Variants in PARP15 observed in about 807,000 individuals in gnomAD.
PARP15 encodes protein mono-ADP-ribosyltransferase PARP15.
In PARP15, 50 loss-of-function variants were observed where a neutral mutation model predicts 62.1. The observed-to-expected ratio is 0.81, with a 90% CI of 0.64 to 1.02. The LOEUF (loss-of-function observed/expected upper bound fraction) is 1.02, where lower values mean the gene tolerates loss of function less well. Among genes scored for constraint, PARP15 ranks in the 50% least tolerant of loss-of-function variants. The pLI, the probability that PARP15 is intolerant of heterozygous loss-of-function variation, is 0.00. For synonymous variants in PARP15, 309 were observed against 293.1 expected (o/e 1.05, Z -0.55); for missense variants, 820 against 826.5 (o/e 0.99, Z 0.10).
intron 8 of PARP15, among the ~76,000 whole-genome samples, chr3:122,625,373 CT>C (rs1399443848): frequency 6.6e-6 from 1 of 152,170 alleles, no homozygotes; most frequent in South Asian, 2.1e-4. Context: ...CCTACCTTAG[CT>C]TCCCGAGTAG....
intron 1 of PARP15, among the ~76,000 whole-genome samples, chr3:122,581,753 T>G (rs2332239): frequency 1.3e-5 from 2 of 152,010 alleles, no homozygotes; most frequent in African/African-American, 4.8e-5. Context: ...CGTAGTCCAT[T>G]TGTTTATTCT....
intron 8 of PARP15, 131 bp from the exon 9 acceptor site, chr3:122,626,696 C>A: frequency 2.7e-6 from 2 of 730,272 alleles, no homozygotes; most frequent in Non-Finnish European, 4.5e-6. Context: ...CACCAACTAG[C>A]TGTGAGTGTC....
intron 1 of PARP15, among the ~76,000 whole-genome samples, chr3:122,584,948 G>A (rs1417864986): frequency 6.6e-6 from 1 of 151,990 alleles, no homozygotes; most frequent in Non-Finnish European, 1.5e-5. Flanking sequence ...CAGTATTTTT[G>A]GAAATAATCA....
chr3:122,586,393 A>G (rs997803193), intron 1 of PARP15, among the ~76,000 whole-genome samples: 1 of 151,964 alleles, frequency 6.6e-6, no homozygotes, highest in Non-Finnish European at 1.5e-5. Context: ...AAGCTTTTTT[A>G]TAGATGAAGA....
rs1576559601 is a variant in PARP15, at chr3:122,638,407, G to C, written c.*2307G>C. On this transcript the variant is annotated 3_prime_UTR_variant, in exon 12 of 12. Transcript: ENST00000464300. ...TCCACAATGGTTGAACTAGTTTACA[G>C]TCCCACCAACAGTGTAAAAGTGTTC... 6.6e-6 allele frequency: 1 copy of C among 152,140 alleles called. No individual in the cohort carries two copies. The highest frequency in any genetic ancestry group is 6.5e-5 in the Admixed American group (1 of 15,270). The allele number at this position is 152,140 out of a possible 1,614,324, so 9.4% of individuals were successfully genotyped here.
chr3:122,625,966 A>T (rs1428522555), intron 8 of PARP15, among the ~76,000 whole-genome samples: 2 of 152,182 alleles, frequency 1.3e-5, no homozygotes, highest in African/African-American at 4.8e-5. Flanking sequence ...ATCACCAGGA[A>T]CACACACTAC....
At chr3:122,612,055 CTTTT>C (rs374908910) in intron 3 of PARP15, among the ~76,000 whole-genome samples, 1 of 147,430 alleles carries the variant, frequency 6.8e-6, no homozygotes, top group Non-Finnish European at 1.5e-5. Flanking sequence ...TCTCTCTCTT[CTTTT>C]TTTTTCTTTT....
rs1178912331 is a variant in PARP15, at chr3:122,632,263, TA to T, written c.1572+46del. 2.5e-6 allele frequency: 4 copies of T among 1,569,894 alleles called. No individual in the cohort carries two copies. In the South Asian group the frequency reaches 4.5e-5, roughly 18 times the overall value. Reference sequence around the variant, plus strand: ...TTACTGTTCAAAAATGTTGATGAACTAACATAAAAGCTATCTCTTTTTAAAT... The same window carrying T: ...TTACTGTTCAAAAATGTTGATGAACTACATAAAAGCTATCTCTTTTTAAAT... On this transcript the variant is annotated intron_variant, in intron 10 of 11. Transcript: ENST00000464300.
rs1346831321 is a variant in PARP15 at position 122,610,602 on chromosome 3, G to A, written c.415G>A (p.Asp139Asn). The change falls in exon 3 of 12, where the codon GAC becomes AAC. Residue 139 changes from aspartate to asparagine, a missense_variant. By Grantham distance (23) the Asp-to-Asn change is conservative (BLOSUM62 1). Around this residue, in one of 3 missense-constraint regions of PARP15, gnomAD observed 731 missense variants for 727.7 expected, o/e 1.00. Transcript: ENST00000464300. ...AGPMLQKELDDRRRETEEKVG... is the reference protein window; with the variant it reads ...AGPMLQKELDNRRRETEEKVG... ...TCCCATGCTCCAGAAAGAGTTAGATGACAGAAGGCGGGAAACAGAGGAAAA... is the reference window on the plus strand; with the variant it reads ...TCCCATGCTCCAGAAAGAGTTAGATAACAGAAGGCGGGAAACAGAGGAAAA... 1 of 1,551,756 alleles carries A rather than the reference G, an allele frequency of 6.4e-7. No homozygotes were observed. Among genetic ancestry groups the A allele is most frequent in the Non-Finnish European group, 8.7e-7 (1 of 1,146,994 alleles).
chr3:122,609,322 A>G (rs1382501262), intron 2 of PARP15, among the ~76,000 whole-genome samples: 7 of 152,196 alleles, frequency 4.6e-5, no homozygotes, highest in African/African-American at 1.7e-4. Context: ...TATTAGGTTG[A>G]GAAATATAAC....
chr3:122,635,561 A>C (rs115532761), intron 11 of PARP15, among the ~76,000 whole-genome samples: 2,029 of 152,068 alleles, frequency 0.013, 50 homozygotes, highest in African/African-American at 0.047. Flanking sequence ...GGCATGCACC[A>C]CTATGCCTGG....
chr3:122,585,866 A>G (rs2107806935), intron 1 of PARP15, among the ~76,000 whole-genome samples: 1 of 152,332 alleles, frequency 6.6e-6, no homozygotes, highest in Admixed American at 6.5e-5. Flanking sequence ...TTATGAACCG[A>G]CATTTCTTGA....
At chr3:122,617,822 G>A (rs571080956) in intron 6 of PARP15, among the ~76,000 whole-genome samples, 3 of 152,284 alleles carry the variant, frequency 2.0e-5, no homozygotes, top group South Asian at 2.1e-4. Context: ...TCTGCCTCCC[G>A]GGTTCAAGTG....
rs1403074481 is a variant in PARP15 at position 122,617,085 on chromosome 3, G to T, written c.921G>T (p.Gln307His). 6.2e-7 allele frequency: 1 copy of T among 1,613,928 alleles called. No individual in the cohort carries two copies. Among genetic ancestry groups the T allele is most frequent in the Non-Finnish European group, 8.5e-7 (1 of 1,179,954 alleles). The change falls in exon 6 of 12, where the codon CAG (glutamine) becomes CAT (histidine). Residue 307 changes from glutamine (Q) to histidine (H), a missense_variant. Gln to His is a conservative substitution (Grantham distance 24). This residue lies in a region of PARP15 where 731 missense variants were observed against 727.7 expected (regional missense o/e 1.00). Transcript: ENST00000464300. ...TGAAAATCGGTGCAATTACTTTTCA[G>T]GTTGCTACTGGAGATATAGCCACTG... The part of the protein sequence containing the change: ...YEMKIGAITF[Q>H]VATGDIATEQ...
chr3:122,620,795 G>C (rs1209049902), intron 7 of PARP15, among the ~76,000 whole-genome samples: 1 of 149,940 alleles, frequency 6.7e-6, no homozygotes, highest in African/African-American at 2.5e-5. Context: ...CCTCAGGAGG[G>C]CAGGATGGGA....
In PARP15 at chr3:122,577,765, C is replaced by A; in HGVS notation, c.98C>A (p.Ala33Asp). The A allele has an allele frequency of 6.4e-7, 1 of 1,551,646 alleles. No homozygotes were observed. Among genetic ancestry groups the A allele is most frequent in the African/African-American group, 1.4e-5 (1 of 73,168 alleles). Residue 33 changes from alanine (A) to aspartate (D), a missense_variant, in exon 1 of 12, where the codon GCC becomes GAC. Ala to Asp is a moderately radical substitution (Grantham distance 126, BLOSUM62 -2). Coordinates refer to ENST00000464300, the MANE Select transcript of PARP15 (RefSeq NM_001113523.3). ...MHGVAGVTSR[A>D]GRDREAGSVL... is the part of the protein sequence containing the mutation. ...GGAGTTGCAGGTGTTACTTCCAGAGCCGGACGAGATCGGGAGGCGGGGAGC... is the reference window on the plus strand; with the variant it reads ...GGAGTTGCAGGTGTTACTTCCAGAGACGGACGAGATCGGGAGGCGGGGAGC...
In PARP15 at chr3:122,627,021, T is replaced by C; in HGVS notation, c.1426T>C (p.Ser476Pro). 6.2e-7 allele frequency: 1 copy of C among 1,609,918 alleles called. No homozygotes were observed. The highest frequency in any genetic ancestry group is 1.1e-5 in the South Asian group (1 of 90,392). The change falls in exon 9 of 12, where the codon TCC (serine) becomes CCC (proline). Residue 476 changes from serine (S) to proline (P), a missense_variant. Physicochemically the swap from Ser to Pro is moderately conservative, Grantham distance 74. This residue lies in a region of PARP15 where 731 missense variants were observed against 727.7 expected (regional missense o/e 1.00). Coordinates refer to ENST00000464300, the MANE Select transcript of PARP15 (RefSeq NM_001113523.3). The stretch of plus-strand genomic sequence containing the variant: ...ATCACTGAACTTTCAGTCCACATTC[T>C]CCATGACTACATGTAAGATGTTCAC... ...SASLNFQSTF[S>P]MTTCNLPEHW...
At chr3:122,613,904 G>A (rs986598415) in intron 4 of PARP15, among the ~76,000 whole-genome samples, 4 of 144,670 alleles carry the variant, frequency 2.8e-5, no homozygotes, top group South Asian at 2.2e-4. Flanking sequence ...TCACTGCAGC[G>A]GCGTGATCTC....
intron 9 of PARP15, among the ~76,000 whole-genome samples, chr3:122,628,314 A>G (rs1169617242): frequency 6.6e-6 from 1 of 152,176 alleles, no homozygotes; most frequent in Non-Finnish European, 1.5e-5. Context: ...CCAGAGTCAC[A>G]TGCTCCACAC....
Sources: allele counts gnomAD v4.1 joint callset (sites outside exome capture counted in the v4.1 genomes callset), GRCh38; gene constraint gnomAD v4.1.1; regional missense constraint gnomAD v4.1.1; transcripts MANE v1.5; gene names NCBI Gene and HGNC (gene_info 2026-07-23, HGNC 2026-07-21).